Variants in ERC1 observed in about 807,000 individuals in gnomAD.
ERC1 encodes the protein RAB6 interacting protein 2.
Under a neutral mutation model 132.0 loss-of-function variants are expected in ERC1, and 56 were observed. The observed-to-expected ratio is 0.42, with a 90% CI of 0.34 to 0.53. The LOEUF (loss-of-function observed/expected upper bound fraction) is 0.53, where lower values mean the gene tolerates loss of function less well. ERC1 is among the 20% of genes least tolerant of loss of function. ERC1 has a pLI of 0.03. For synonymous variants in ERC1, 478 were observed against 476.1 expected, an observed-to-expected ratio of 1.00 and a Z score of -0.05; for missense variants, 1,202 against 1,349.9, an observed-to-expected ratio of 0.89 and a Z score of 1.72.
chr12:1,104,686 C>A, intron 3 of ERC1, 64 bp from the exon 4 acceptor site: 2 of 1,171,016 alleles, frequency 1.7e-6, no homozygotes, highest in Non-Finnish European at 2.6e-6. Flanking sequence ...GGCTCTCACT[C>A]CTCTTTGAAA....
intron 15 of ERC1, among the ~76,000 whole-genome samples, chr12:1,313,183 A>G (rs1334094699): frequency 6.6e-6 from 1 of 151,924 alleles, no homozygotes; most frequent in Non-Finnish European, 1.5e-5. Context: ...AGCCTTTCCT[A>G]CATATTCCAG....
chr12:1,385,394 T>C lies in ERC1; in HGVS notation c.2925+13417T>C, dbSNP rs181004959. Among the ~76,000 whole-genome samples the C allele has an allele frequency of 5.3e-3, 803 of 152,294 alleles. 6 individuals are homozygous for C. The highest frequency in any genetic ancestry group is 0.018 in the African/African-American group (759 of 41,576). On this transcript the variant is annotated intron_variant, in intron 16 of 18. Coordinates refer to ENST00000360905, the MANE Select transcript of ERC1 (RefSeq NM_178040.4). ...GCCTCCCGGGTTCACGCCATTCTCCTGCCTCAGCCTCCCGAGTAGCTGGGA... is the reference window on the plus strand; with the variant it reads ...GCCTCCCGGGTTCACGCCATTCTCCCGCCTCAGCCTCCCGAGTAGCTGGGA...
chr12:1,096,751 G>GGT (rs1182409470), intron 3 of ERC1, among the ~76,000 whole-genome samples: 3 of 152,110 alleles, frequency 2.0e-5, no homozygotes, highest in African/African-American at 4.8e-5. Context: ...GAATAAAACA[G>GGT]GTGTATAGTT....
chr12:1,428,545 G>A (rs1480661047), intron 17 of ERC1, among the ~76,000 whole-genome samples: 2 of 152,140 alleles, frequency 1.3e-5, no homozygotes, highest in Non-Finnish European at 2.9e-5. Flanking sequence ...GTTAGCCTAC[G>A]ACTTGACCTT....
At chr12:1,375,436 G>T (rs543640123) in intron 16 of ERC1, among the ~76,000 whole-genome samples, 1 of 152,270 alleles carries the variant, frequency 6.6e-6, no homozygotes, top group South Asian at 2.1e-4. Context: ...TGAGATTTGG[G>T]TGGGGACGCA....
chr12:1,401,136 G>A (rs1038858920), intron 16 of ERC1, among the ~76,000 whole-genome samples: 4 of 141,092 alleles, frequency 2.8e-5, no homozygotes, highest in Non-Finnish European at 4.4e-5. Flanking sequence ...GGGGTTTCAC[G>A]TGTTAGCCAG....
At chr12:1,379,195 C>G (rs775486817) in intron 16 of ERC1, among the ~76,000 whole-genome samples, 1 of 152,160 alleles carries the variant, frequency 6.6e-6, no homozygotes, top group Non-Finnish European at 1.5e-5. Flanking sequence ...TTACCATAAG[C>G]AGCAAGAAGA....
At chr12:1,436,971 G>GAT (rs140955841) in intron 17 of ERC1, among the ~76,000 whole-genome samples, 8,223 of 149,104 alleles carry the variant, frequency 0.055, 289 homozygotes, top group East Asian at 0.094. Context: ...AAGCCATTCA[G>GAT]ATATATATAT....
chr12:1,376,398 A>AT (rs2087918127), intron 16 of ERC1, among the ~76,000 whole-genome samples: 1 of 123,288 alleles, frequency 8.1e-6, no homozygotes, highest in African/African-American at 3.8e-5. Context: ...GAGTTCTGTG[A>AT]TTTTCCACAT....
In ERC1 at chr12:1,083,667, G is replaced by A. The variant is rs560109280; in HGVS notation, c.1086+87G>A. The A allele has an allele frequency of 1.4e-5, 14 of 968,440 alleles. No individual in the cohort carries two copies. In the South Asian group the frequency reaches 1.8e-4, roughly 12 times the overall value. 60.0% of individuals were successfully genotyped at this position (968,440 alleles called of 1,614,324 possible). On this transcript the variant is annotated intron_variant, in intron 3 of 18. Coordinates refer to ENST00000360905, the MANE Select transcript of ERC1 (RefSeq NM_178040.4). Reference sequence around the variant, plus strand: ...AGCATCTTGGCCCCAGTGAATCTACGTGCTCTGCCGTGCTGGTGGAAGAGA... The same window carrying A: ...AGCATCTTGGCCCCAGTGAATCTACATGCTCTGCCGTGCTGGTGGAAGAGA...
At chr12:1,391,924 A>G (rs2089997738) in intron 16 of ERC1, among the ~76,000 whole-genome samples, 1 of 152,212 alleles carries the variant, frequency 6.6e-6, no homozygotes, top group Non-Finnish European at 1.5e-5. Context: ...TGCAGGTCAC[A>G]GCACTCCTGA....
At chr12:1,394,692 T>C (rs1287736486) in intron 16 of ERC1, among the ~76,000 whole-genome samples, 2 of 152,222 alleles carry the variant, frequency 1.3e-5, no homozygotes, top group Non-Finnish European at 2.9e-5. Context: ...CCTGCCACCA[T>C]GTAGAAAAGG....
chr12:1,006,964 G>C (rs1427343244), intron 1 of ERC1, among the ~76,000 whole-genome samples: 1 of 149,444 alleles, frequency 6.7e-6, no homozygotes, highest in Non-Finnish European at 1.5e-5. Context: ...ATATAATATA[G>C]TATATATATG....
At chr12:1,393,767 C>CCTGTAAT (rs2090194409) in intron 16 of ERC1, among the ~76,000 whole-genome samples, 2 of 151,620 alleles carry the variant, frequency 1.3e-5, no homozygotes, top group Non-Finnish European at 2.9e-5. Flanking sequence ...GTGGCTCATG[C>CCTGTAAT]CTGTAATCCC....
Position 1,145,263 on chromosome 12 carries a change from C to T in ERC1, c.1737+3476C>T, listed in dbSNP as rs542168229. Among the ~76,000 whole-genome samples the T allele has an allele frequency of 7.2e-5, 11 of 152,154 alleles. 1 individual carries two copies. The South Asian group carries it at 1.9e-3, about 26-fold the overall frequency. On this transcript the variant is annotated intron_variant, in intron 8 of 18. Coordinates refer to ENST00000360905, the MANE Select transcript of ERC1 (RefSeq NM_178040.4). ...AACTCCTGATCTCAGGTGATCCACCCGCCTCGGCCTCCCAAAGTGCTGGGA... is the reference window on the plus strand; with the variant it reads ...AACTCCTGATCTCAGGTGATCCACCTGCCTCGGCCTCCCAAAGTGCTGGGA...
intron 16 of ERC1, among the ~76,000 whole-genome samples, chr12:1,405,664 T>C (rs569717577): frequency 3.4e-4 from 51 of 152,166 alleles, no homozygotes; most frequent in South Asian, 1.2e-3. Context: ...GATCACGCCA[T>C]TGCACTCCAG....
chr12:1,461,530 T>C (rs1443833215), intron 18 of ERC1, among the ~76,000 whole-genome samples: 1 of 152,024 alleles, frequency 6.6e-6, no homozygotes, highest in Non-Finnish European at 1.5e-5. Flanking sequence ...TAACCTGGCG[T>C]GGTGGTGGGC....
chr12:1,246,283 C>T (rs983985951), intron 13 of ERC1, among the ~76,000 whole-genome samples: 2 of 151,566 alleles, frequency 1.3e-5, no homozygotes, highest in African/African-American at 4.9e-5. Flanking sequence ...CATGGTGAAT[C>T]TACACAAAGG....
chr12:1,335,554 C>T (rs918072701), intron 15 of ERC1, among the ~76,000 whole-genome samples: 3 of 152,010 alleles, frequency 2.0e-5, no homozygotes, highest in Non-Finnish European at 1.5e-5. Flanking sequence ...TTGAACCAAC[C>T]TTGCATCGTA....
Sources: allele counts gnomAD v4.1 joint callset (sites outside exome capture counted in the v4.1 genomes callset), GRCh38; gene constraint gnomAD v4.1.1; transcripts MANE v1.5; gene names NCBI Gene and HGNC (gene_info 2026-07-23, HGNC 2026-07-21).